Variants in JAK1 observed in about 807,000 individuals in gnomAD.
The protein encoded by JAK1 is tyrosine-protein kinase JAK1.
In JAK1, 16 loss-of-function variants were observed where a neutral mutation model predicts 136.6. That is an observed-to-expected ratio of 0.12 (90% CI 0.08 to 0.18). The LOEUF is 0.18. Among genes scored for constraint, JAK1 ranks in the 10% least tolerant of loss-of-function variants. The pLI is 1.00. For synonymous variants in JAK1, 492 were observed against 519.5 expected (o/e 0.95, Z 0.72); for missense variants, 859 against 1,450.1 (o/e 0.59, Z 6.62).
upstream of JAK1, among the ~76,000 whole-genome samples, chr1:64,969,304 G>A (rs1009502452): frequency 2.0e-5 from 3 of 151,816 alleles, no homozygotes; most frequent in South Asian, 6.2e-4. Context: ...GAAAATTCTT[G>A]TTGTAGTGGG....
intron 1 of JAK1, among the ~76,000 whole-genome samples, chr1:64,915,903 T>G (rs1259978643): frequency 6.6e-6 from 1 of 152,100 alleles, no homozygotes; most frequent in Non-Finnish European, 1.5e-5. Flanking sequence ...GCTACAGCCT[T>G]CACCCTCTTC....
chr1:65,001,363 G>A (rs1394109671), intron 2 of JAK1, among the ~76,000 whole-genome samples: 1 of 152,170 alleles, frequency 6.6e-6, no homozygotes, highest in African/African-American at 2.4e-5. Context: ...AGCTGGGGGC[G>A]GGACCTCTGG....
chr1:64,917,422 A>T (rs1321805609), intron 1 of JAK1, among the ~76,000 whole-genome samples: 2 of 152,200 alleles, frequency 1.3e-5, no homozygotes. Flanking sequence ...AAGATTAAAC[A>T]AAGAGGAAGT....
intron 1 of JAK1, among the ~76,000 whole-genome samples, chr1:65,052,234 C>T (rs1308649894): frequency 6.6e-6 from 1 of 151,546 alleles, no homozygotes; most frequent in African/African-American, 2.4e-5. Context: ...CCACACCCAG[C>T]TCAGGCACAC....
At chr1:64,926,367 T>TC (rs1397518636) in intron 1 of JAK1, among the ~76,000 whole-genome samples, 1 of 73,142 alleles carries the variant, frequency 1.4e-5, no homozygotes, top group Admixed American at 1.7e-4. Flanking sequence ...CAGGATCCCC[T>TC]CCCCCCACCC....
At chr1:64,895,201 T>C (rs768071309) in intron 1 of JAK1, among the ~76,000 whole-genome samples, 2 of 152,174 alleles carry the variant, frequency 1.3e-5, no homozygotes, top group Non-Finnish European at 2.9e-5. Flanking sequence ...TTGACCATGA[T>C]CCACCGTAAA....
Position 64,860,237 on chromosome 1 carries a change from T to G in JAK1, c.1202A>C (p.Glu401Ala), listed in dbSNP as rs764314225. The change falls in exon 9 of 25, where the codon GAG (glutamate) becomes GCG (alanine). Residue 401 changes from glutamate (E) to alanine (A), a missense_variant. Physicochemically the swap from Glu to Ala is moderately radical, Grantham distance 107. Coordinates refer to ENST00000342505, the MANE Select transcript of JAK1 (RefSeq NM_002227.4). ...TACCAGGGACACAAAGGACAAGGCC[T>G]CCTCGTGGGAAGAGAGCTTCAGTTC... ...KMELKLSSHEEALSFVSLVDG... is the reference protein window; with the variant it reads ...KMELKLSSHEAALSFVSLVDG... 1 of 1,606,726 alleles carries G rather than the reference T, an allele frequency of 6.2e-7. No homozygotes were observed. The highest frequency in any genetic ancestry group is 1.7e-5 in the Admixed American group (1 of 59,610).
chr1:64,968,693 A>G (rs1331418659), upstream of JAK1, among the ~76,000 whole-genome samples: 1 of 152,220 alleles, frequency 6.6e-6, no homozygotes, highest in Non-Finnish European at 1.5e-5. Context: ...GCACTTTGGG[A>G]GGCCGAGGTG....
At chr1:64,957,205 T>C (rs1352749033) in intron 1 of JAK1, among the ~76,000 whole-genome samples, 4 of 151,618 alleles carry the variant, frequency 2.6e-5, no homozygotes, top group African/African-American at 9.7e-5. Context: ...AGAGGAGAGG[T>C]GCTCTAGGGG....
In JAK1 at chr1:65,035,057, A is replaced by AAAATAAATAAAT. The variant is rs35499348; in HGVS notation, c.-78+9411_-78+9422dup. ...GGCAACAAGAGTGAAACTCCATCTC[A>AAAATAAATAAAT]AAATAAATAAATAAATAAATAAATA... On this transcript the variant is annotated intron_variant, in intron 2 of 25. Transcript: ENST00000671954. 2.8e-3 allele frequency among the ~76,000 whole-genome samples: 417 copies of AAAATAAATAAAT among 149,592 alleles called. 1 individual carries two copies. Among genetic ancestry groups the AAAATAAATAAAT allele is most frequent in the African/African-American group, 7.6e-3 (306 of 40,460 alleles).
In JAK1 at chr1:64,916,840, C is replaced by CA. The variant is rs34248076; in HGVS notation, c.-77-30500dup. Among the ~76,000 whole-genome samples, 677 of 120,910 alleles carry CA rather than the reference C, an allele frequency of 5.6e-3. 3 individuals are homozygous for CA. Among genetic ancestry groups the CA allele is most frequent in the African/African-American group, 0.019 (568 of 29,148 alleles). The allele number at this position is 120,910 out of a possible 152,430, so 79.3% of individuals were successfully genotyped here. ...TGGGTGACAGAGTGAGACCCTTTCT[C>CA]AAAAAAAAAAAAAAAAGTTTAGGAA... On this transcript the variant is annotated intron_variant, in intron 1 of 24. Coordinates refer to ENST00000342505, the MANE Select transcript of JAK1 (RefSeq NM_002227.4).
chr1:64,988,469 G>C lies in JAK1; in HGVS notation c.-78+56011C>G, dbSNP rs1395772992. On this transcript the variant is annotated intron_variant, in intron 2 of 25. Transcript: ENST00000671954. Reference sequence around the variant, plus strand: ...AAAATGGCAGAGTAGGCAGCCCCAAGCTCCTGTCCCCCCCATAGAAACTCA... The same window carrying C: ...AAAATGGCAGAGTAGGCAGCCCCAACCTCCTGTCCCCCCCATAGAAACTCA... 3.3e-5 allele frequency among the ~76,000 whole-genome samples: 5 copies of C among 152,084 alleles called. No homozygotes were observed. The East Asian group carries it at 9.6e-4, about 29-fold the overall frequency.
intron 9 of JAK1, chr1:64,859,903 T>G: frequency 2.5e-6 from 1 of 406,558 alleles, no homozygotes; most frequent in East Asian, 3.6e-5. Flanking sequence ...AGAAGCAGCA[T>G]TGAGGGGCTG....
At position 64,879,251 on chromosome 1, in the gene JAK1, A is replaced by G. The variant is rs539288347; in HGVS notation, c.206-103T>C. On this transcript the variant is annotated intron_variant, in intron 3 of 24. Transcript: ENST00000342505. ...AAAGATAAGGAACTCTCTCATCCAC[A>G]AAGAATCTGGGTCACTCATATCCTC... 49 of 1,381,648 alleles carry G rather than the reference A, an allele frequency of 3.5e-5. No homozygotes were observed. In the Admixed American group the frequency reaches 6.8e-4, roughly 19 times the overall value. The allele number at this position is 1,381,648 out of a possible 1,614,324, so 85.6% of individuals were successfully genotyped here. A position where few individuals can be genotyped will look rare whatever the true frequency, so the allele number is the denominator to read the frequency against.
At chr1:64,866,031 G>C (rs979937029) in intron 7 of JAK1, among the ~76,000 whole-genome samples, 1 of 152,126 alleles carries the variant, frequency 6.6e-6, no homozygotes, top group African/African-American at 2.4e-5. Context: ...AAGTGCTGGG[G>C]TTACAGGTGT....
chr1:65,012,113 G>T (rs1346795853), intron 2 of JAK1, among the ~76,000 whole-genome samples: 2 of 152,180 alleles, frequency 1.3e-5, no homozygotes, highest in Admixed American at 1.3e-4. Context: ...AGAGACAACA[G>T]CTCTGTCATG....
chr1:64,989,017 TATATATATATATAA>T (rs1488243007), intron 2 of JAK1, among the ~76,000 whole-genome samples: 1 of 146,164 alleles, frequency 6.8e-6, no homozygotes, highest in Non-Finnish European at 1.5e-5. Context: ...TATATATATA[TATATATATATATAA>T]AATACAGAGA....
chr1:64,983,331 G>A (rs1003881656), intron 2 of JAK1, among the ~76,000 whole-genome samples: 1 of 152,122 alleles, frequency 6.6e-6, no homozygotes, highest in Non-Finnish European at 1.5e-5. Context: ...ACAGGACCAC[G>A]GTGGTCATGG....
At chr1:64,970,149 A>AAAAAAC, upstream of JAK1, among the ~76,000 whole-genome samples, 2 of 149,510 alleles carry the variant, frequency 1.3e-5, no homozygotes, top group African/African-American at 2.5e-5. Flanking sequence ...AAAAAAAAAA[A>AAAAAAC]AAAAAACGGC....
Sources: gnomAD v4.1 joint callset for allele counts (sites outside exome capture counted in the v4.1 genomes callset) on GRCh38, gnomAD v4.1.1 for gene constraint, MANE v1.5 for transcripts, NCBI Gene and HGNC (gene_info 2026-07-23, HGNC 2026-07-21) for gene names.